The following TAF3 variants were observed in gnomAD, a reference collection of about 807,000 sequenced individuals.
TAF3 encodes the protein transcription initiation factor TFIID subunit 3.
Under a neutral mutation model 80.6 loss-of-function variants are expected in TAF3, and 7 were observed. The ratio of observed to expected loss-of-function variants is 0.09; its 90% CI spans 0.05 to 0.16. The LOEUF is 0.16. Among genes scored for constraint, TAF3 ranks in the 10% least tolerant of loss-of-function variants. TAF3 has a pLI of 1.00. For missense variants in TAF3, 921 were observed against 1,140.2 expected (o/e 0.81, Z 2.77); for synonymous variants, 444 against 446.1 (o/e 1.00, Z 0.06).
intron 2 of TAF3, among the ~76,000 whole-genome samples, chr10:7,958,492 T>TA (rs201373329): frequency 0.17 from 25,157 of 149,022 alleles, 2,234 homozygotes; most frequent in East Asian, 0.29. Flanking sequence ...GGGTAAAAAT[T>TA]AAAAAAAAAA....
chr10:7,968,940 C>T (rs1831597496), intron 3 of TAF3, among the ~76,000 whole-genome samples: 1 of 152,166 alleles, frequency 6.6e-6, no homozygotes, highest in Non-Finnish European at 1.5e-5. Flanking sequence ...CCTTCGTGGG[C>T]AGTCAGACAC....
At chr10:7,860,701 C>T (rs1017505980) in intron 2 of TAF3, among the ~76,000 whole-genome samples, 8 of 152,112 alleles carry the variant, frequency 5.3e-5, no homozygotes, top group Non-Finnish European at 1.5e-5. Context: ...CTGATTTAAA[C>T]ATTTTTAGTG....
intron 2 of TAF3, among the ~76,000 whole-genome samples, chr10:7,851,145 T>TA (rs146414714): frequency 0.024 from 3,716 of 152,094 alleles, 192 homozygotes; most frequent in East Asian, 0.23. Flanking sequence ...TAAGGAGAAA[T>TA]AAAAATGCTA....
At chr10:7,998,861 A>T (rs1009028632) in intron 4 of TAF3, among the ~76,000 whole-genome samples, 3 of 151,876 alleles carry the variant, frequency 2.0e-5, no homozygotes, top group African/African-American at 7.2e-5. Flanking sequence ...AAAAAAAAAG[A>T]AAGAAATGTA....
intron 2 of TAF3, among the ~76,000 whole-genome samples, chr10:7,828,913 C>A (rs1249539741): frequency 6.7e-6 from 1 of 148,612 alleles, no homozygotes; most frequent in Non-Finnish European, 1.5e-5. Flanking sequence ...GCCTGTAGTC[C>A]CAGCTACTCG....
At chr10:7,823,856 A>C (rs1251056132) in intron 1 of TAF3, among the ~76,000 whole-genome samples, 1 of 151,694 alleles carries the variant, frequency 6.6e-6, no homozygotes, top group Non-Finnish European at 1.5e-5. Context: ...GTTGGTCTCG[A>C]ACCCTTGACC....
In TAF3 at chr10:7,858,806, C is replaced by CTG. The variant is rs34538206; in HGVS notation, c.409+34267_409+34268dup. Among the ~76,000 whole-genome samples the CTG allele has an allele frequency of 2.0e-3, 308 of 150,602 alleles. 1 individual carries two copies. Among genetic ancestry groups the CTG allele is most frequent in the African/African-American group, 3.3e-3 (134 of 41,108 alleles). ...AGATTTCACTGGTACATTATAGGCTCTGTGTGTGTGTGTGTGTGTGTGCGC... is the reference window on the plus strand; with the variant it reads ...AGATTTCACTGGTACATTATAGGCTCTGTGTGTGTGTGTGTGTGTGTGTGCGC... On this transcript the variant is annotated intron_variant, in intron 2 of 6. Coordinates refer to ENST00000344293, the MANE Select transcript of TAF3 (RefSeq NM_031923.4).
rs368050175 is a variant in TAF3 at position 7,965,449 on chromosome 10, A to G, written c.1939A>G (p.Met647Val). Residue 647 changes from methionine (M) to valine (V), a missense_variant, in exon 3 of 7, where the codon ATG becomes GTG. Around this residue, in one of 6 missense-constraint regions of TAF3, gnomAD observed 743 missense variants for 821.0 expected, o/e 0.90. Transcript: ENST00000344293. Reference sequence around the variant, plus strand: ...GAAAGATAAAGGCAGAGAAGATAAGATGAAAGCCCCAGCACCCCCACTGGT... The same window carrying G: ...GAAAGATAAAGGCAGAGAAGATAAGGTGAAAGCCCCAGCACCCCCACTGGT... The part of the protein sequence containing the change: ...KVKDKGREDK[M>V]KAPAPPLVLP... 1.9e-6 allele frequency: 3 copies of G among 1,613,574 alleles called. 1 individual carries two copies. In the South Asian group the frequency reaches 3.3e-5, roughly 18 times the overall value.
intron 2 of TAF3, among the ~76,000 whole-genome samples, chr10:7,943,715 T>C (rs1373201994): frequency 1.3e-5 from 2 of 152,214 alleles, no homozygotes; most frequent in Non-Finnish European, 2.9e-5. Context: ...CAACCAAATA[T>C]AATTCTACAA....
chr10:7,903,907 A>G (rs1452319429), intron 2 of TAF3, among the ~76,000 whole-genome samples: 1 of 152,212 alleles, frequency 6.6e-6, no homozygotes, highest in Non-Finnish European at 1.5e-5. Context: ...TCAGAGATAC[A>G]TAACGTGAGA....
intron 2 of TAF3, among the ~76,000 whole-genome samples, chr10:7,905,437 AT>A (rs1255318617): frequency 6.6e-6 from 1 of 152,186 alleles, no homozygotes; most frequent in East Asian, 1.9e-4. Context: ...AATGTAAGTA[AT>A]TATTGCTATT....
At chr10:7,835,026 A>G (rs1018648411) in intron 2 of TAF3, among the ~76,000 whole-genome samples, 2 of 152,168 alleles carry the variant, frequency 1.3e-5, no homozygotes, top group African/African-American at 4.8e-5. Context: ...TTTCTCTCGT[A>G]CTTTCATTGT....
intron 2 of TAF3, among the ~76,000 whole-genome samples, chr10:7,942,952 T>G (rs1262134635): frequency 1.3e-5 from 2 of 152,226 alleles, no homozygotes; most frequent in Non-Finnish European, 2.9e-5. Context: ...TAACAGGAAT[T>G]TGACCTTCGT....
At chr10:7,896,570 C>T (rs748852021) in intron 2 of TAF3, among the ~76,000 whole-genome samples, 1 of 152,164 alleles carries the variant, frequency 6.6e-6, no homozygotes, top group Non-Finnish European at 1.5e-5. Context: ...ATTCGACAGT[C>T]GCATTTGGGG....
At chr10:7,977,770 C>T (rs1277453048) in intron 4 of TAF3, among the ~76,000 whole-genome samples, 1 of 152,110 alleles carries the variant, frequency 6.6e-6, no homozygotes, top group Non-Finnish European at 1.5e-5. Flanking sequence ...ACCTGTAAAA[C>T]AAAGAAATGC....
At chr10:7,967,976 G>C (rs1014599151) in intron 3 of TAF3, among the ~76,000 whole-genome samples, 2 of 152,132 alleles carry the variant, frequency 1.3e-5, no homozygotes, top group African/African-American at 4.8e-5. Flanking sequence ...TAGAAATTGG[G>C]ATAGTAACAT....
chr10:7,878,211 T>A (rs1837328180), intron 2 of TAF3, among the ~76,000 whole-genome samples: 1 of 152,210 alleles, frequency 6.6e-6, no homozygotes, highest in Non-Finnish European at 1.5e-5. Context: ...TTGGGAGCCT[T>A]TTTAAAGAAA....
chr10:7,971,593 AT>A (rs1831623899), intron 3 of TAF3, among the ~76,000 whole-genome samples: 2 of 152,240 alleles, frequency 1.3e-5, no homozygotes, highest in Admixed American at 6.5e-5. Context: ...GCTGGAATGC[AT>A]GAAAGAGTTC....
chr10:7,964,482 C>G lies in TAF3; in HGVS notation c.972C>G (p.Pro324=), dbSNP rs1831546972. ...AGAGCCCCAAGAGTCCCAAGAGCCCCAAGGTCACGACTCACATTCCCCAAA... is the reference window on the plus strand; with the variant it reads ...AGAGCCCCAAGAGTCCCAAGAGCCCGAAGGTCACGACTCACATTCCCCAAA... ...RSKSPKSPKS[P]KVTTHIPQTP... Residue 324 remains proline (P), a synonymous_variant, in exon 3 of 7, where the codon CCC becomes CCG. Transcript: ENST00000344293. This position sits in a 1 kb window ranked among gnomAD's most constrained non-coding sequence, Gnocchi z 4.1. 5 of 1,613,432 alleles carry G rather than the reference C, an allele frequency of 3.1e-6. No individual in the cohort carries two copies. Among genetic ancestry groups the G allele is most frequent in the Non-Finnish European group, 3.4e-6 (4 of 1,179,816 alleles).
Sources: gnomAD v4.1 joint callset for allele counts (sites outside exome capture counted in the v4.1 genomes callset) on GRCh38, gnomAD v4.1.1 for gene constraint, gnomAD v4.1.1 regional missense constraint, Gnocchi (gnomAD v3.1) non-coding constraint, MANE v1.5 for transcripts, NCBI Gene and HGNC (gene_info 2026-07-23, HGNC 2026-07-21) for gene names.